The following PIK3C2G variants were observed in gnomAD, a reference collection of about 807,000 sequenced individuals.
PIK3C2G encodes the protein phosphatidylinositol-4-phosphate 3-kinase catalytic subunit type 2 gamma.
PIK3C2G carries 168 observed loss-of-function variants against 181.1 expected under a neutral mutation model. That is an observed-to-expected ratio of 0.93 (90% confidence interval 0.82 to 1.05). The LOEUF (loss-of-function observed/expected upper bound fraction) is 1.05. Ranked by LOEUF, PIK3C2G falls within the 50% of genes least tolerant of loss-of-function variation. The pLI is 0.00. For missense variants in PIK3C2G, 1,869 were observed against 1,732.8 expected (o/e 1.08, Z -1.40); for synonymous variants, 573 against 592.2 (o/e 0.97, Z 0.47).
chr12:18,605,470 C>T (rs976984528), intron 30 of PIK3C2G, among the ~76,000 whole-genome samples: 2 of 152,094 alleles, frequency 1.3e-5, no homozygotes, highest in Non-Finnish European at 2.9e-5. Context: ...AGAATTGGTA[C>T]CAATCCTTTT....
At chr12:18,523,789 G>A (rs74068048) in intron 24 of PIK3C2G, among the ~76,000 whole-genome samples, 4,829 of 152,244 alleles carry the variant, frequency 0.032, 262 homozygotes, top group African/African-American at 0.11. Context: ...TTTGAGTACC[G>A]AAACTTAGGG....
chr12:18,383,021 G>A (rs1254001184), intron 14 of PIK3C2G, among the ~76,000 whole-genome samples: 1 of 152,136 alleles, frequency 6.6e-6, no homozygotes, highest in African/African-American at 2.4e-5. Flanking sequence ...ATTCAGATTA[G>A]ATCTTGGCAC....
At chr12:18,258,598 C>T (rs968686257), upstream of PIK3C2G, among the ~76,000 whole-genome samples, 5 of 150,928 alleles carry the variant, frequency 3.3e-5, no homozygotes, top group African/African-American at 1.2e-4. Flanking sequence ...CATGTTGGCG[C>T]AAATGTCAGG....
rs1369427283 is a variant in PIK3C2G, at chr12:18,393,980, T to C, written c.2126+2728T>C. Among the ~76,000 whole-genome samples, 5 of 152,236 alleles carry C rather than the reference T, an allele frequency of 3.3e-5. 1 individual carries two copies. Among genetic ancestry groups the C allele is most frequent in the Admixed American group, 2.6e-4 (4 of 15,286 alleles). On this transcript the variant is annotated intron_variant, in intron 15 of 32. Coordinates refer to ENST00000538779, the MANE Select transcript of PIK3C2G (RefSeq NM_001288772.2). ...AAATCTGTATTGGAGTCTTCTTAAATATTTGGTTGAGTGCTAAACTACTCA... is the reference window on the plus strand; with the variant it reads ...AAATCTGTATTGGAGTCTTCTTAAACATTTGGTTGAGTGCTAAACTACTCA...
At position 18,266,576 on chromosome 12, in the gene PIK3C2G, G is replaced by A. The variant is rs536990975; in HGVS notation, c.-79+4999G>A. On this transcript the variant is annotated intron_variant, in intron 1 of 32. Transcript: ENST00000538779. ...TTATTTTGATTAAAATTTTGTGGCC[G>A]GATGCATGTTACTCATTAGAAGTGC... Among the ~76,000 whole-genome samples, 144 of 152,020 alleles carry A rather than the reference G, an allele frequency of 9.5e-4. 2 individuals are homozygous for A. Among genetic ancestry groups the A allele is most frequent in the African/African-American group, 3.2e-3 (132 of 41,484 alleles).
rs71440366 is a variant in PIK3C2G at position 18,383,987 on chromosome 12, A to ATT, written c.1995+2120_1995+2121dup. Among the ~76,000 whole-genome samples, 473 of 137,016 alleles carry ATT rather than the reference A, an allele frequency of 3.5e-3. 1 individual carries two copies. Among genetic ancestry groups the ATT allele is most frequent in the Non-Finnish European group, 4.6e-3 (301 of 64,746 alleles). The allele number at this position is 137,016 out of a possible 152,430, so 89.9% of individuals were successfully genotyped here. A position where few individuals can be genotyped will look rare whatever the true frequency, so the allele number is the denominator to read the frequency against. ...CCCTGTTATTTTTATTATTATTATTATTTTTTTTTTTTTTGTAGAGATGGG... is the reference window on the plus strand; with the variant it reads ...CCCTGTTATTTTTATTATTATTATTATTTTTTTTTTTTTTTTGTAGAGATGGG... On this transcript the variant is annotated intron_variant, in intron 14 of 32. Transcript: ENST00000538779.
At chr12:18,290,221 G>A (rs747194291) in intron 3 of PIK3C2G, among the ~76,000 whole-genome samples, 6 of 152,144 alleles carry the variant, frequency 3.9e-5, no homozygotes, top group Admixed American at 3.3e-4. Context: ...GAAAGTGCCA[G>A]GATTCAAAGT....
chr12:18,597,186 C>T (rs184160379), intron 30 of PIK3C2G, among the ~76,000 whole-genome samples: 125 of 150,438 alleles, frequency 8.3e-4, no homozygotes, highest in African/African-American at 2.3e-3. Flanking sequence ...ACCAAAACAC[C>T]GAGAAAAATC....
upstream of PIK3C2G, among the ~76,000 whole-genome samples, chr12:18,257,659 GGAAA>G (rs968323170): frequency 9.5e-5 from 13 of 136,976 alleles, no homozygotes; most frequent in Middle Eastern, 4.0e-3. Context: ...AAAGAAAGAA[GGAAA>G]GAAAGAAAGA....
chr12:18,422,956 T>G (rs143946006), intron 17 of PIK3C2G, among the ~76,000 whole-genome samples: 1 of 152,146 alleles, frequency 6.6e-6, no homozygotes, highest in Non-Finnish European at 1.5e-5. Context: ...TTATGCAAAT[T>G]TGCTGAACTC....
At chr12:18,345,793 A>T (rs1192828569) in intron 10 of PIK3C2G, among the ~76,000 whole-genome samples, 1 of 152,156 alleles carries the variant, frequency 6.6e-6, no homozygotes, top group Non-Finnish European at 1.5e-5. Flanking sequence ...CTGAACTACT[A>T]TATAGGGAAT....
chr12:18,664,245 C>T, the PIK3C2G span, among the ~76,000 whole-genome samples: 3 of 152,152 alleles, frequency 2.0e-5, no homozygotes, highest in Non-Finnish European at 4.4e-5. Context: ...ATAGATTTAC[C>T]ACATAATCCT....
chr12:18,648,507 T>G (rs555295393), downstream of PIK3C2G: 1 of 175,714 alleles, frequency 5.7e-6, no homozygotes, highest in East Asian at 1.0e-4. Flanking sequence ...AATTGGTATA[T>G]TTCAGCAGAA....
At chr12:18,723,362 T>G in the PIK3C2G span, 1 of 1,612,948 alleles carries the variant, frequency 6.2e-7, no homozygotes, top group Non-Finnish European at 8.5e-7. Flanking sequence ...ATAGCTTTAC[T>G]CATCTCAGCT....
Position 18,286,835 on chromosome 12 carries a change from TTTTATTTTAAGTCAA to T in PIK3C2G, c.679-10_683del. The T allele has an allele frequency of 1.4e-6, 2 of 1,385,166 alleles. No individual in the cohort carries two copies. The highest frequency in any genetic ancestry group is 2.0e-6 in the Non-Finnish European group (2 of 1,016,108). 85.8% of individuals were successfully genotyped at this position (1,385,166 alleles called of 1,614,324 possible). ...CTCCAAATTATATTAATTTAGTAGA[TTTTATTTTAAGTCAA>T]TAGGTTGTTCCATTCAGCTAGTGGA... is the stretch of plus-strand genomic sequence containing the variant. On this transcript the variant is annotated splice_acceptor_variant and splice_polypyrimidine_tract_variant and coding_sequence_variant and intron_variant, in exon 3 of 33. Coordinates refer to ENST00000538779, the MANE Select transcript of PIK3C2G (RefSeq NM_001288772.2). LOFTEE classifies it high-confidence loss of function.
At chr12:18,594,715 C>G (rs1055000218) in intron 30 of PIK3C2G, 146 bp downstream of exon 30, 15 of 441,990 alleles carry the variant, frequency 3.4e-5, no homozygotes, top group Non-Finnish European at 5.3e-5. Context: ...ATTTCCATAG[C>G]GTAAACTTGA....
chr12:18,537,748 AT>A (rs911409952), intron 24 of PIK3C2G, among the ~76,000 whole-genome samples: 17 of 151,944 alleles, frequency 1.1e-4, no homozygotes, highest in Non-Finnish European at 1.9e-4. Flanking sequence ...ATACAAGGAA[AT>A]TTTTTTTAAT....
At chr12:18,630,905 C>T (rs1949323921) in intron 31 of PIK3C2G, among the ~76,000 whole-genome samples, 1 of 151,966 alleles carries the variant, frequency 6.6e-6, no homozygotes, top group Non-Finnish European at 1.5e-5. Context: ...GAGGATCAGA[C>T]TGAGAATTCT....
chr12:18,391,303 C>T lies in PIK3C2G; in HGVS notation c.2126+51C>T, dbSNP rs17847792. ...AATTTTTGCCTGCTGTTTATGATTT[C>T]CTCAATCATTCTTGAAGCATGATAG... On this transcript the variant is annotated intron_variant, in intron 15 of 32. Transcript: ENST00000538779. 3 of 1,409,744 alleles carry T rather than the reference C, an allele frequency of 2.1e-6. No homozygotes were observed. In the East Asian group the frequency reaches 7.6e-5, roughly 36 times the overall value. The allele number at this position is 1,409,744 out of a possible 1,614,324, so 87.3% of individuals were successfully genotyped here.
Sources: gnomAD v4.1 joint callset for allele counts (sites outside exome capture counted in the v4.1 genomes callset) on GRCh38, gnomAD v4.1.1 for gene constraint, MANE v1.5 for transcripts, NCBI Gene and HGNC (gene_info 2026-07-23, HGNC 2026-07-21) for gene names.